RIT2: variants seen among roughly 807,000 people sequenced by gnomAD.
RIT2 encodes the protein GTP-binding protein Rit2.
In RIT2, 24 loss-of-function variants were observed where a neutral mutation model predicts 23.7. That is an observed-to-expected ratio of 1.01 (90% CI 0.73 to 1.43). RIT2 has a LOEUF of 1.43. Among genes scored for constraint, RIT2 ranks in the 40% most tolerant of loss-of-function variants. RIT2 has a pLI of 0.00. For missense variants in RIT2, 236 were observed against 266.9 expected (o/e 0.88, Z 0.81); for synonymous variants, 107 against 91.1 (o/e 1.17, Z -0.99).
intron 2 of RIT2, among the ~76,000 whole-genome samples, chr18:43,020,504 CA>C (rs200614689): frequency 2.0e-5 from 3 of 151,156 alleles, no homozygotes; most frequent in Admixed American, 6.6e-5. Context: ...CAAAACAAAA[CA>C]AAAAAAATGC....
chr18:42,754,406 G>A lies in RIT2; in HGVS notation c.427-10686C>T, dbSNP rs1237057214. 3.3e-5 allele frequency among the ~76,000 whole-genome samples: 5 copies of A among 151,370 alleles called. No individual in the cohort carries two copies. In the South Asian group the frequency reaches 1.0e-3, roughly 32 times the overall value. ...GCTTGTGTGTAGGTCTCTTTAGAAC[G>A]TGGAGTACATTTTACACAGTAGAGC... On this transcript the variant is annotated intron_variant, in intron 4 of 4. Transcript: ENST00000326695.
chr18:42,761,139 GT>G (rs1913292170), intron 4 of RIT2, among the ~76,000 whole-genome samples: 1 of 152,104 alleles, frequency 6.6e-6, no homozygotes, highest in Non-Finnish European at 1.5e-5. Flanking sequence ...TTTCCTTGTT[GT>G]TTTCCCATAT....
intron 2 of RIT2, among the ~76,000 whole-genome samples, chr18:42,975,810 T>C (rs1910465788): frequency 6.6e-6 from 1 of 152,060 alleles, no homozygotes; most frequent in Non-Finnish European, 1.5e-5. Context: ...AAATTATTGT[T>C]GCTACGGGGG....
chr18:42,848,550 T>TA (rs1310783896), intron 4 of RIT2, among the ~76,000 whole-genome samples: 2 of 152,134 alleles, frequency 1.3e-5, no homozygotes, highest in Non-Finnish European at 2.9e-5. Context: ...ATTTATTCCA[T>TA]AAAAAATGTT....
intron 3 of RIT2, among the ~76,000 whole-genome samples, chr18:42,955,149 T>G (rs534182806): frequency 1.3e-5 from 2 of 152,162 alleles, no homozygotes; most frequent in South Asian, 4.1e-4. Flanking sequence ...ACCATGATAA[T>G]TCAAGCTGTT....
At chr18:43,014,219 G>A in intron 2 of RIT2, among the ~76,000 whole-genome samples, 1 of 151,712 alleles carries the variant, frequency 6.6e-6, no homozygotes, top group East Asian at 1.9e-4. Context: ...GGTAGAACAA[G>A]GCATAAGAAC....
intron 4 of RIT2, among the ~76,000 whole-genome samples, chr18:42,766,469 T>C (rs902173755): frequency 6.6e-6 from 1 of 152,162 alleles, no homozygotes; most frequent in Non-Finnish European, 1.5e-5. Flanking sequence ...GTGGAAGAAA[T>C]TTCTAAGCAG....
At chr18:42,927,344 C>T (rs946875385) in intron 3 of RIT2, among the ~76,000 whole-genome samples, 11 of 131,072 alleles carry the variant, frequency 8.4e-5, no homozygotes, top group East Asian at 2.8e-4. Context: ...TTACACAACA[C>T]GTATATATGT....
At chr18:42,925,546 A>G (rs1262089332) in intron 3 of RIT2, among the ~76,000 whole-genome samples, 2 of 152,004 alleles carry the variant, frequency 1.3e-5, no homozygotes, top group Non-Finnish European at 2.9e-5. Flanking sequence ...TTTAAAGTTT[A>G]TGCTACTTTC....
At chr18:42,816,964 T>C (rs1906015682) in intron 4 of RIT2, among the ~76,000 whole-genome samples, 1 of 152,164 alleles carries the variant, frequency 6.6e-6, no homozygotes, top group South Asian at 2.1e-4. Context: ...GATTGAGACA[T>C]TCTGGGGTAG....
chr18:42,844,921 T>C (rs368123091), intron 4 of RIT2, among the ~76,000 whole-genome samples: 2 of 152,184 alleles, frequency 1.3e-5, no homozygotes, highest in East Asian at 3.9e-4. Flanking sequence ...AATATGTGAT[T>C]ATTAATTGTA....
intron 4 of RIT2, among the ~76,000 whole-genome samples, chr18:42,792,428 G>A (rs2143948236): frequency 6.6e-6 from 1 of 152,232 alleles, no homozygotes; most frequent in African/African-American, 2.4e-5. Flanking sequence ...AATGTAACTA[G>A]GCTCAACTCA....
intron 4 of RIT2, among the ~76,000 whole-genome samples, chr18:42,876,637 C>T (rs73471646): frequency 0.13 from 19,739 of 151,294 alleles, 1,311 homozygotes; most frequent in Middle Eastern, 0.26. Flanking sequence ...CGTTCCCTGG[C>T]AATTTTGAAA....
intron 4 of RIT2, among the ~76,000 whole-genome samples, chr18:42,883,532 T>A (rs1907947793): frequency 6.6e-6 from 1 of 152,084 alleles, no homozygotes; most frequent in African/African-American, 2.4e-5. Flanking sequence ...TGCTTCAGGT[T>A]TTTCAGATTT....
chr18:42,827,156 G>T (rs1281026591), intron 4 of RIT2, among the ~76,000 whole-genome samples: 5 of 152,140 alleles, frequency 3.3e-5, no homozygotes, highest in Non-Finnish European at 7.4e-5. Context: ...CAGTATTTGT[G>T]CAAGAAAGAA....
At chr18:43,017,144 T>A (rs1427775468) in intron 2 of RIT2, among the ~76,000 whole-genome samples, 2 of 151,956 alleles carry the variant, frequency 1.3e-5, no homozygotes, top group Non-Finnish European at 2.9e-5. Context: ...AATGTATCCC[T>A]AAGTAGAATA....
At chr18:43,061,784 C>T (rs929386762) in intron 1 of RIT2, among the ~76,000 whole-genome samples, 10 of 152,212 alleles carry the variant, frequency 6.6e-5, no homozygotes, top group South Asian at 4.1e-4. Context: ...AGCTAGCTTT[C>T]GGTTGCTCTA....
intron 4 of RIT2, among the ~76,000 whole-genome samples, chr18:42,760,004 C>G (rs192674429): frequency 6.6e-6 from 1 of 151,874 alleles, no homozygotes; most frequent in Non-Finnish European, 1.5e-5. Flanking sequence ...CTTGAACTCC[C>G]GACCTCAAGT....
intron 3 of RIT2, among the ~76,000 whole-genome samples, chr18:42,965,711 CTTTTTTTTTTTTTTTTT>C (rs58344278): frequency 0.087 from 3,293 of 37,870 alleles, 182 homozygotes; most frequent in African/African-American, 0.27. Flanking sequence ...GTACTGATGG[CTTTTTTTTTTTTTTTTT>C]TTTTTTTTTT....
Sources: gnomAD v4.1 joint callset for allele counts (sites outside exome capture counted in the v4.1 genomes callset) on GRCh38, gnomAD v4.1.1 for gene constraint, MANE v1.5 for transcripts, NCBI Gene and HGNC (gene_info 2026-07-23, HGNC 2026-07-21) for gene names.